FUBP3: variants seen among roughly 807,000 people sequenced by gnomAD.
The protein encoded by FUBP3 is far upstream element-binding protein 3.
A neutral mutation model predicts 85.6 loss-of-function variants in FUBP3; 28 were observed. The observed-to-expected ratio is 0.33, with a 90% CI of 0.24 to 0.45. The LOEUF (loss-of-function observed/expected upper bound fraction) is 0.45, where lower values mean the gene tolerates loss of function less well. FUBP3 is among the 20% of genes least tolerant of loss of function. The pLI, the probability that FUBP3 is intolerant of heterozygous loss-of-function variation, is 1.00. For missense variants in FUBP3, 583 were observed against 755.1 expected (o/e 0.77, Z 2.67); for synonymous variants, 271 against 271.4 (o/e 1.00, Z 0.01).
chr9:130,599,355 G>GCA (rs1227027403), intron 2 of FUBP3, among the ~76,000 whole-genome samples: 6 of 82,842 alleles, frequency 7.2e-5, no homozygotes, highest in African/African-American at 1.2e-4. Context: ...ATATATATAA[G>GCA]TATATGTGTG....
chr9:130,586,749 CTTTTTTTTTT>C (rs34911755), intron 1 of FUBP3, among the ~76,000 whole-genome samples: 1 of 113,328 alleles, frequency 8.8e-6, no homozygotes, highest in Non-Finnish European at 1.7e-5. Context: ...AAGCAGCAAT[CTTTTTTTTTT>C]TTTTTTTTTC....
At chr9:130,606,095 T>A (rs1831416671) in intron 2 of FUBP3, among the ~76,000 whole-genome samples, 1 of 152,222 alleles carries the variant, frequency 6.6e-6, no homozygotes, top group Non-Finnish European at 1.5e-5. Context: ...CAAAGGACTT[T>A]CAGCTGAACT....
intron 7 of FUBP3, 92 bp from the exon 8 acceptor site, chr9:130,617,705 T>A: frequency 1.2e-6 from 1 of 841,946 alleles, no homozygotes; most frequent in Non-Finnish European, 2.1e-6. Flanking sequence ...GATGTGCGCT[T>A]ATTGTGGGTG....
Position 130,616,308 on chromosome 9 carries a change from G to A in FUBP3, c.405-47G>A. 1 of 1,588,470 alleles carries A rather than the reference G, an allele frequency of 6.3e-7. No individual in the cohort carries two copies. Among genetic ancestry groups the A allele is most frequent in the Non-Finnish European group, 8.6e-7 (1 of 1,157,878 alleles). ...TATTTCCCTGTCTTGCACACTTAGAGCCTCCATTTAATGCTGGTTCTCTTG... is the reference window on the plus strand; with the variant it reads ...TATTTCCCTGTCTTGCACACTTAGAACCTCCATTTAATGCTGGTTCTCTTG... On this transcript the variant is annotated intron_variant, in intron 6 of 18. Coordinates refer to ENST00000319725, the MANE Select transcript of FUBP3 (RefSeq NM_003934.2). This position sits in a 1 kb window ranked among gnomAD's most constrained non-coding sequence, Gnocchi z 4.7.
In FUBP3 at chr9:130,595,226, CAAA is replaced by C. The variant is rs10585883; in HGVS notation, c.85-240_85-238del. On this transcript the variant is annotated intron_variant, in intron 1 of 18. Transcript: ENST00000319725. ...GGGCAACAAGAGCGAAACTCCGTCT[CAAA>C]AAAAAAAAAAAAAAAAGGATACTAA... 5.2e-4 allele frequency among the ~76,000 whole-genome samples: 52 copies of C among 100,826 alleles called. 1 individual carries two copies. Among genetic ancestry groups the C allele is most frequent in the African/African-American group, 1.7e-3 (46 of 27,758 alleles). 66.1% of individuals were successfully genotyped at this position (100,826 alleles called of 152,430 possible). A position where few individuals can be genotyped will look rare whatever the true frequency, so the allele number is the denominator to read the frequency against.
intron 12 of FUBP3, among the ~76,000 whole-genome samples, chr9:130,629,346 T>C (rs1402101987): frequency 6.6e-6 from 1 of 152,222 alleles, no homozygotes; most frequent in Non-Finnish European, 1.5e-5. Flanking sequence ...TTGTTAGTTG[T>C]TTTTTAAATT....
chr9:130,624,156 G>T (rs1829870006), intron 11 of FUBP3, among the ~76,000 whole-genome samples: 1 of 152,158 alleles, frequency 6.6e-6, no homozygotes, highest in African/African-American at 2.4e-5. Context: ...GACAGTGCTA[G>T]GAACCCCTAT....
rs1564231016 is a variant in FUBP3, at chr9:130,635,199, G to C, written c.1582+461G>C. Among the ~76,000 whole-genome samples, 1 of 152,126 alleles carries C rather than the reference G, an allele frequency of 6.6e-6. No individual in the cohort carries two copies. The highest frequency in any genetic ancestry group is 6.5e-5 in the Admixed American group (1 of 15,272). On this transcript the variant is annotated intron_variant, in intron 17 of 18. Coordinates refer to ENST00000319725, the MANE Select transcript of FUBP3 (RefSeq NM_003934.2). This position sits in a 1 kb window ranked among gnomAD's most constrained non-coding sequence, Gnocchi z 4.3. ...AGGCCTTACCTGGGCATTGGAGCTG[G>C]GTGCTTAGTTTCTCTTCTTAAGTAG...
rs573632689 is a variant in FUBP3 at position 130,635,665 on chromosome 9, C to T, written c.1583-334C>T. On this transcript the variant is annotated intron_variant, in intron 17 of 18. Transcript: ENST00000319725. This position sits in a 1 kb window ranked among gnomAD's most constrained non-coding sequence, Gnocchi z 4.3. ...CACCCAAGTTAGGTACTCCCCTTCT[C>T]CCCCACCCCCACCCCAGGATCCCCC... 2.5e-4 allele frequency among the ~76,000 whole-genome samples: 38 copies of T among 152,036 alleles called. No homozygotes were observed. The South Asian group carries it at 7.7e-3, about 31-fold the overall frequency.
Position 130,616,591 on chromosome 9 carries a change from C to T in FUBP3, c.567+74C>T. 7.0e-7 allele frequency: 1 copy of T among 1,421,272 alleles called. No individual in the cohort carries two copies. Among genetic ancestry groups the T allele is most frequent in the African/African-American group, 1.4e-5 (1 of 71,536 alleles). 88.0% of individuals were successfully genotyped at this position (1,421,272 alleles called of 1,614,324 possible). ...TCAGCTTCCTGGCCCAGGAGATCTG[C>T]TTACGGCTGGCATTCCCTGGCTGGG... On this transcript the variant is annotated intron_variant, in intron 7 of 18. Transcript: ENST00000319725. This position sits in a 1 kb window ranked among gnomAD's most constrained non-coding sequence, Gnocchi z 4.7.
rs1217995867 is a variant in FUBP3, at chr9:130,635,043, G to A, written c.1582+305G>A. The stretch of plus-strand genomic sequence containing the variant: ...ACCTGGAAGTGTGGGCTCAGCTGGC[G>A]TCTGGTCTCCTTAGGGACTGAAAGA... On this transcript the variant is annotated intron_variant, in intron 17 of 18. Transcript: ENST00000319725. The surrounding 1 kb of genome is among the most constrained non-coding windows in gnomAD (Gnocchi z 4.3). Among the ~76,000 whole-genome samples, 2 of 152,136 alleles carry A rather than the reference G, an allele frequency of 1.3e-5. No homozygotes were observed. The highest frequency in any genetic ancestry group is 2.9e-5 in the Non-Finnish European group (2 of 68,024).
At chr9:130,623,569 G>C in intron 10 of FUBP3, 42 bp from the exon 11 acceptor site, 1 of 1,269,806 alleles carries the variant, frequency 7.9e-7, no homozygotes, top group Non-Finnish European at 1.2e-6. Flanking sequence ...TCCTTCTAAC[G>C]TTGGGCTTTT....
At chr9:130,614,575 C>A (rs1263786933) in intron 6 of FUBP3, among the ~76,000 whole-genome samples, 1 of 152,176 alleles carries the variant, frequency 6.6e-6, no homozygotes, top group African/African-American at 2.4e-5. Flanking sequence ...GTCATAACAT[C>A]TACTTCAAAC....
chr9:130,599,353 AAGTATATGTGTG>A (rs964413933), intron 2 of FUBP3, among the ~76,000 whole-genome samples: 7 of 99,008 alleles, frequency 7.1e-5, no homozygotes, highest in Admixed American at 1.2e-4. Flanking sequence ...ACATATATAT[AAGTATATGTGTG>A]TGTGTGTGTG....
intron 1 of FUBP3, among the ~76,000 whole-genome samples, chr9:130,592,515 T>C (rs1830671138): frequency 6.6e-6 from 1 of 152,116 alleles, no homozygotes; most frequent in Admixed American, 6.6e-5. Context: ...CTATCTTGTC[T>C]CCTAGCAGTC....
At chr9:130,623,018 C>A (rs2119099883) in intron 10 of FUBP3, among the ~76,000 whole-genome samples, 1 of 152,270 alleles carries the variant, frequency 6.6e-6, no homozygotes, top group Middle Eastern at 3.4e-3. Context: ...ACATGTCGGT[C>A]ACCTTTGATT....
At chr9:130,606,730 G>T (rs1831472105) in intron 2 of FUBP3, among the ~76,000 whole-genome samples, 1 of 152,050 alleles carries the variant, frequency 6.6e-6, no homozygotes, top group Non-Finnish European at 1.5e-5. Context: ...TGAGGTAGGA[G>T]AATCGCTTGA....
At chr9:130,599,892 C>T (rs926853720) in intron 2 of FUBP3, among the ~76,000 whole-genome samples, 5 of 152,322 alleles carry the variant, frequency 3.3e-5, no homozygotes, top group Admixed American at 1.3e-4. Flanking sequence ...TCCCGCTTGG[C>T]TCCTCCCGTG....
At position 130,637,864 on chromosome 9, in the gene FUBP3, T is replaced by G. The variant is rs1278713943; in HGVS notation, c.*842T>G. ...ACTTTTAACACACACTGTGGAACAT[T>G]AAACCGTATAAAAATGTAGTTATAA... On this transcript the variant is annotated 3_prime_UTR_variant, in exon 19 of 19. Coordinates refer to ENST00000319725, the MANE Select transcript of FUBP3 (RefSeq NM_003934.2). The G allele has an allele frequency of 1.3e-5, 2 of 152,636 alleles. No homozygotes were observed. Among genetic ancestry groups the G allele is most frequent in the Non-Finnish European group, 2.9e-5 (2 of 68,044 alleles). The allele number at this position is 152,636 out of a possible 1,614,324, so 9.5% of individuals were successfully genotyped here.
Sources: allele counts gnomAD v4.1 joint callset (sites outside exome capture counted in the v4.1 genomes callset), GRCh38; gene constraint gnomAD v4.1.1; non-coding constraint Gnocchi (gnomAD v3.1); transcripts MANE v1.5; gene names NCBI Gene and HGNC (gene_info 2026-07-23, HGNC 2026-07-21).